The following WDR70 variants were observed in gnomAD, a reference collection of about 807,000 sequenced individuals.
WDR70 encodes the protein WD repeat-containing protein 70.
Under a neutral mutation model 88.6 loss-of-function variants are expected in WDR70, and 53 were observed. The observed-to-expected ratio is 0.60, with a 90% CI of 0.48 to 0.75. WDR70 has a LOEUF of 0.75. Among genes scored for constraint, WDR70 ranks in the 30% least tolerant of loss-of-function variants. The probability of loss-of-function intolerance (pLI) is 0.00; values close to 1 mark genes in which losing one functional copy is unlikely to be tolerated. For missense variants in WDR70, 610 were observed against 823.2 expected (o/e 0.74, Z 3.17); for synonymous variants, 280 against 270.0 (o/e 1.04, Z -0.36).
rs536786833 is a variant in WDR70 at position 37,501,784 on chromosome 5, C to A, written c.841-14730C>A. 7.2e-5 allele frequency among the ~76,000 whole-genome samples: 11 copies of A among 152,224 alleles called. No homozygotes were observed. The South Asian group carries it at 1.7e-3, about 23-fold the overall frequency. On this transcript the variant is annotated intron_variant, in intron 8 of 17. Transcript: ENST00000265107. Reference sequence around the variant, plus strand: ...TGGCTTTATTCCTGGGTTCTCTATTCTGTTCTGTTGGTCTGCATATCTACT... The same window carrying A: ...TGGCTTTATTCCTGGGTTCTCTATTATGTTCTGTTGGTCTGCATATCTACT...
intron 9 of WDR70, among the ~76,000 whole-genome samples, chr5:37,526,610 A>G (rs1338895089): frequency 6.6e-6 from 1 of 152,206 alleles, no homozygotes; most frequent in Non-Finnish European, 1.5e-5. Flanking sequence ...CCTATTCAAC[A>G]TAGTGTTGGA....
intron 13 of WDR70, among the ~76,000 whole-genome samples, chr5:37,714,780 A>C (rs1453673451): frequency 6.6e-6 from 1 of 152,196 alleles, no homozygotes; most frequent in Non-Finnish European, 1.5e-5. Flanking sequence ...AATAATTACC[A>C]GACTTTCTTC....
chr5:37,429,052 C>A (rs1243381303), intron 5 of WDR70, among the ~76,000 whole-genome samples: 1 of 152,186 alleles, frequency 6.6e-6, no homozygotes. Context: ...CTAGGCTGGA[C>A]TCAAACACCT....
At chr5:37,652,225 G>A (rs1745428893) in intron 10 of WDR70, among the ~76,000 whole-genome samples, 1 of 152,126 alleles carries the variant, frequency 6.6e-6, no homozygotes, top group Non-Finnish European at 1.5e-5. Context: ...TTTCTGTCAG[G>A]CTTGTCAAAG....
intron 10 of WDR70, among the ~76,000 whole-genome samples, chr5:37,680,228 T>G (rs1746386051): frequency 6.6e-6 from 1 of 152,178 alleles, no homozygotes; most frequent in Non-Finnish European, 1.5e-5. Flanking sequence ...TCATGTCCTT[T>G]GCATACTTTT....
chr5:37,510,315 C>T (rs572939947), intron 8 of WDR70, among the ~76,000 whole-genome samples: 1 of 152,206 alleles, frequency 6.6e-6, no homozygotes, highest in Admixed American at 6.5e-5. Context: ...CCTGTATATA[C>T]ACACTCATAT....
At chr5:37,700,539 G>GT (rs1747126079) in intron 11 of WDR70, 1 of 152,524 alleles carries the variant, frequency 6.6e-6, no homozygotes, top group Non-Finnish European at 1.5e-5. Context: ...GAATTACACT[G>GT]GAGAGAAGGG....
chr5:37,396,318 C>T lies in WDR70; in HGVS notation c.297-57C>T, dbSNP rs953938135. 1.2e-5 allele frequency: 18 copies of T among 1,477,956 alleles called. No homozygotes were observed. In the African/African-American group the frequency reaches 1.8e-4, roughly 15 times the overall value. 91.6% of individuals were successfully genotyped at this position (1,477,956 alleles called of 1,614,324 possible). On this transcript the variant is annotated intron_variant, in intron 4 of 17. Coordinates refer to ENST00000265107, the MANE Select transcript of WDR70 (RefSeq NM_018034.4). ...GTATCCTGAGAAATGAATACTATTTCCAAAGTGTGCTCTTCATTGCAGCAG... is the reference window on the plus strand; with the variant it reads ...GTATCCTGAGAAATGAATACTATTTTCAAAGTGTGCTCTTCATTGCAGCAG...
chr5:37,604,126 TTCAGATTTCCACTTTTG>T (rs1743964771), intron 9 of WDR70, among the ~76,000 whole-genome samples: 1 of 152,168 alleles, frequency 6.6e-6, no homozygotes. Context: ...TTTGTGTAGA[TTCAGATTTCCACTTTTG>T]TCATATTTAT....
chr5:37,395,475 C>A (rs1049772107), intron 4 of WDR70, among the ~76,000 whole-genome samples: 2 of 152,168 alleles, frequency 1.3e-5, no homozygotes, highest in African/African-American at 4.8e-5. Context: ...GAACCCATGA[C>A]TGTATTCTCT....
At chr5:37,620,463 ATTATAC>A (rs986060279) in intron 10 of WDR70, among the ~76,000 whole-genome samples, 1 of 152,208 alleles carries the variant, frequency 6.6e-6, no homozygotes, top group Admixed American at 6.5e-5. Flanking sequence ...GAAAAGACCT[ATTATAC>A]TTGTCTTGTA....
At chr5:37,614,713 G>A (rs1480756556) in intron 10 of WDR70, among the ~76,000 whole-genome samples, 1 of 152,058 alleles carries the variant, frequency 6.6e-6, no homozygotes, top group African/African-American at 2.4e-5. Context: ...TTACTGTATG[G>A]CCCCTTATAG....
At chr5:37,582,668 T>C (rs1743251122) in intron 9 of WDR70, among the ~76,000 whole-genome samples, 1 of 152,258 alleles carries the variant, frequency 6.6e-6, no homozygotes, top group South Asian at 2.1e-4. Context: ...TTAGATGAGA[T>C]AACATGTGTA....
In WDR70 at chr5:37,677,434, C is replaced by A. The variant is rs563204185; in HGVS notation, c.1093-20221C>A. Among the ~76,000 whole-genome samples the A allele has an allele frequency of 7.2e-4, 110 of 152,228 alleles. 1 individual carries two copies. The highest frequency in any genetic ancestry group is 2.6e-3 in the African/African-American group (109 of 41,536). On this transcript the variant is annotated intron_variant, in intron 10 of 17. Coordinates refer to ENST00000265107, the MANE Select transcript of WDR70 (RefSeq NM_018034.4). ...TGTCCCAGAGATTCCGGTATGTTGT[C>A]TCTTTGTTCTCATTGGTTTCAAAGA... is the stretch of plus-strand genomic sequence containing the variant.
intron 8 of WDR70, among the ~76,000 whole-genome samples, chr5:37,487,620 TA>T (rs1561871962): frequency 3.6e-4 from 14 of 38,850 alleles, no homozygotes; most frequent in East Asian, 3.2e-3. Context: ...TATATATATA[TA>T]TATGTATTTT....
Position 37,415,512 on chromosome 5 carries a change from G to C in WDR70, c.492+18942G>C, listed in dbSNP as rs1484025776. Among the ~76,000 whole-genome samples, 15 of 64,422 alleles carry C rather than the reference G, an allele frequency of 2.3e-4. 5 individuals carry two copies. Among genetic ancestry groups the C allele is most frequent in the Non-Finnish European group, 5.9e-4 (15 of 25,574 alleles). 42.3% of individuals were successfully genotyped at this position (64,422 alleles called of 152,430 possible). ...GGGCGGCTGGGGGTGGGGGGGGCCT[G>C]ACCCCCCCACCTCACCTCCCTCCCG... On this transcript the variant is annotated intron_variant, in intron 5 of 17. Coordinates refer to ENST00000265107, the MANE Select transcript of WDR70 (RefSeq NM_018034.4).
rs549613013 is a variant in WDR70 at position 37,491,350 on chromosome 5, T to G, written c.840+11363T>G. Among the ~76,000 whole-genome samples, 4 of 152,320 alleles carry G rather than the reference T, an allele frequency of 2.6e-5. No individual in the cohort carries two copies. The East Asian group carries it at 7.7e-4, about 29-fold the overall frequency. ...TGTAGAGGAGGTGAGTGTCTGGTGC[T>G]TCTAGTTAGCCATCTTGAAGTCCCC... On this transcript the variant is annotated intron_variant, in intron 8 of 17. Transcript: ENST00000265107.
intron 8 of WDR70, among the ~76,000 whole-genome samples, chr5:37,496,974 A>G (rs1328902991): frequency 6.6e-6 from 1 of 152,226 alleles, no homozygotes; most frequent in Non-Finnish European, 1.5e-5. Flanking sequence ...AAGGTAGTTT[A>G]GGATCTAAGT....
chr5:37,599,876 G>A (rs193277110), intron 9 of WDR70, among the ~76,000 whole-genome samples: 6 of 148,988 alleles, frequency 4.0e-5, no homozygotes, highest in African/African-American at 9.9e-5. Flanking sequence ...CTGGGCCACC[G>A]AGCAAGACTC....
Sources: gnomAD v4.1 joint callset for allele counts (sites outside exome capture counted in the v4.1 genomes callset) on GRCh38, gnomAD v4.1.1 for gene constraint, MANE v1.5 for transcripts, NCBI Gene and HGNC (gene_info 2026-07-23, HGNC 2026-07-21) for gene names.